Variants in NRXN3 observed in about 807,000 individuals in gnomAD.
NRXN3 encodes the protein neurexin III.
NRXN3 carries 32 observed loss-of-function variants against 137.6 expected under a neutral mutation model. The ratio of observed to expected loss-of-function variants is 0.23; its 90% CI spans 0.18 to 0.31. NRXN3 has a LOEUF of 0.31. Ranked by LOEUF, NRXN3 falls within the 10% of genes least tolerant of loss-of-function variation. The pLI is 1.00. For synonymous variants in NRXN3, 798 were observed against 784.5 expected, an observed-to-expected ratio of 1.02 and a Z score of -0.29; for missense variants, 1,574 against 2,062.5, an observed-to-expected ratio of 0.76 and a Z score of 4.59.
chr14:79,088,492 T>G (rs943903144), intron 15 of NRXN3, among the ~76,000 whole-genome samples: 4 of 151,554 alleles, frequency 2.6e-5, no homozygotes, highest in Admixed American at 2.6e-4. Context: ...TATATATCTA[T>G]GTATATGTGT....
intron 8 of NRXN3, among the ~76,000 whole-genome samples, chr14:78,732,442 T>A (rs905183785): frequency 6.6e-6 from 1 of 152,162 alleles, no homozygotes; most frequent in Admixed American, 6.6e-5. Context: ...AGAAGACTAG[T>A]TTTTTATCCT....
chr14:78,309,835 G>T (rs2077763369), intron 4 of NRXN3, among the ~76,000 whole-genome samples: 1 of 152,088 alleles, frequency 6.6e-6, no homozygotes, highest in African/African-American at 2.4e-5. Context: ...AAGGCTTAAT[G>T]ACTCTAAAAT....
intron 15 of NRXN3, among the ~76,000 whole-genome samples, chr14:79,089,731 C>T (rs1313373980): frequency 6.6e-6 from 1 of 151,968 alleles, no homozygotes; most frequent in Non-Finnish European, 1.5e-5. Context: ...TTTTCATTCA[C>T]ACCCTCAAAC....
chr14:78,709,258 C>T lies in NRXN3; in HGVS notation c.1263C>T (p.Arg421=). Residue 421 remains arginine (R), a synonymous_variant, in exon 7 of 21, where the codon CGC becomes CGT. Transcript: ENST00000335750. The part of the protein sequence containing the change: ...KNNDIRLELS[R]LARIADTKMK... ...ATGACATCCGTCTGGAGCTGTCTCG[C>T]CTGGCCCGGATTGCGGACACCAAGA... is the stretch of plus-strand genomic sequence containing the variant. 5 of 1,614,032 alleles carry T rather than the reference C, an allele frequency of 3.1e-6. No individual in the cohort carries two copies. The highest frequency in any genetic ancestry group is 3.4e-6 in the Non-Finnish European group (4 of 1,179,976).
At chr14:79,295,257 C>T (rs1042297823) in intron 15 of NRXN3, among the ~76,000 whole-genome samples, 1 of 151,990 alleles carries the variant, frequency 6.6e-6, no homozygotes, top group Non-Finnish European at 1.5e-5. Context: ...GGGATGTTTT[C>T]ATCCAGATTG....
At chr14:78,756,210 G>A (rs748391626) in intron 8 of NRXN3, among the ~76,000 whole-genome samples, 6 of 152,102 alleles carry the variant, frequency 3.9e-5, no homozygotes, top group South Asian at 2.1e-4. Flanking sequence ...TTCACTAGCC[G>A]GGTGCGGTGG....
chr14:79,775,888 C>CCTT, intron 19 of NRXN3, among the ~76,000 whole-genome samples: 1 of 152,164 alleles, frequency 6.6e-6, no homozygotes, highest in Non-Finnish European at 1.5e-5. Flanking sequence ...TGGTAAGGAT[C>CCTT]AAACAATACC....
At chr14:79,352,813 A>G (rs184747583) in intron 15 of NRXN3, among the ~76,000 whole-genome samples, 1 of 152,124 alleles carries the variant, frequency 6.6e-6, no homozygotes, top group Admixed American at 6.5e-5. Context: ...GTAACTAAGG[A>G]TGAGAGTGCA....
intron 15 of NRXN3, among the ~76,000 whole-genome samples, chr14:79,033,028 C>T (rs570852256): frequency 6.6e-6 from 1 of 152,202 alleles, no homozygotes; most frequent in Admixed American, 6.5e-5. Context: ...CTCATCCCTT[C>T]GCACTGCCCT....
chr14:79,177,253 G>A lies in NRXN3; in HGVS notation c.3262+189112G>A, dbSNP rs772430563. Among the ~76,000 whole-genome samples the A allele has an allele frequency of 8.5e-5, 13 of 152,126 alleles. No homozygotes were observed. The East Asian group carries it at 9.6e-4, about 11-fold the overall frequency. ...GTTTAAAACCTAAAGTCTGGTTGGC[G>A]TTATAAATATGCATGAGCTGTTGGG... is the stretch of plus-strand genomic sequence containing the variant. On this transcript the variant is annotated intron_variant, in intron 15 of 20. Coordinates refer to ENST00000335750, the MANE Select transcript of NRXN3 (RefSeq NM_001330195.2).
At chr14:78,568,136 T>C (rs1158030890) in intron 4 of NRXN3, among the ~76,000 whole-genome samples, 3 of 152,232 alleles carry the variant, frequency 2.0e-5, no homozygotes, top group Non-Finnish European at 2.9e-5. Flanking sequence ...GCTCATGTTC[T>C]GATCTTCAGT....
rs149045091 is a variant in NRXN3 at position 78,365,027 on chromosome 14, A to G, written c.757+67167A>G. Among the ~76,000 whole-genome samples, 364 of 152,264 alleles carry G rather than the reference A, an allele frequency of 2.4e-3. 4 individuals carry two copies. The highest frequency in any genetic ancestry group is 0.016 in the East Asian group (81 of 5,188). On this transcript the variant is annotated intron_variant, in intron 4 of 20. Transcript: ENST00000335750. ...CTGTACCTGGAAATGTTGCCTAGTA[A>G]TGCAATGGAACCAACAGGATTAGCA...
intron 16 of NRXN3, among the ~76,000 whole-genome samples, chr14:79,655,084 C>T (rs1164980657): frequency 6.6e-6 from 1 of 152,108 alleles, no homozygotes; most frequent in Non-Finnish European, 1.5e-5. Context: ...CAGAGCTGAT[C>T]ATGCATATTC....
chr14:79,303,539 T>C lies in NRXN3; in HGVS notation c.3263-163682T>C, dbSNP rs571113037. Among the ~76,000 whole-genome samples the C allele has an allele frequency of 3.3e-5, 5 of 152,182 alleles. No homozygotes were observed. The East Asian group carries it at 9.7e-4, about 29-fold the overall frequency. ...ACAACACTGCACATCCCTTGTGAAATAATTTACTATTTTTTAGACATCATG... is the reference window on the plus strand; with the variant it reads ...ACAACACTGCACATCCCTTGTGAAACAATTTACTATTTTTTAGACATCATG... On this transcript the variant is annotated intron_variant, in intron 15 of 20. Transcript: ENST00000335750.
intron 5 of NRXN3, among the ~76,000 whole-genome samples, chr14:78,647,491 G>A (rs1372812129): frequency 5.3e-5 from 8 of 152,222 alleles, no homozygotes; most frequent in Non-Finnish European, 1.0e-4. Flanking sequence ...GTGCTGTGAC[G>A]TGCACATGAT....
chr14:79,241,879 C>A (rs1435920322), intron 15 of NRXN3, among the ~76,000 whole-genome samples: 1 of 152,056 alleles, frequency 6.6e-6, no homozygotes, highest in Non-Finnish European at 1.5e-5. Context: ...CCAGCCTGGG[C>A]AACATGGTGA....
intron 19 of NRXN3, among the ~76,000 whole-genome samples, chr14:79,791,863 G>A (rs1240967075): frequency 6.6e-6 from 1 of 152,174 alleles, no homozygotes; most frequent in East Asian, 1.9e-4. Flanking sequence ...GGCTTGGTTA[G>A]GCCGGTCACA....
At chr14:78,397,998 T>C (rs1386127217) in intron 4 of NRXN3, among the ~76,000 whole-genome samples, 1 of 150,638 alleles carries the variant, frequency 6.6e-6, no homozygotes, top group Non-Finnish European at 1.5e-5. Flanking sequence ...GCAGATCACC[T>C]GAGGTCAGGA....
At chr14:79,371,078 ATGT>A (rs1394780663) in intron 15 of NRXN3, among the ~76,000 whole-genome samples, 2 of 152,130 alleles carry the variant, frequency 1.3e-5, no homozygotes, top group African/African-American at 4.8e-5. Flanking sequence ...TGCTCAATAA[ATGT>A]TGTTCTAACT....
Sources: gnomAD v4.1 joint callset for allele counts (sites outside exome capture counted in the v4.1 genomes callset) on GRCh38, gnomAD v4.1.1 for gene constraint, MANE v1.5 for transcripts, NCBI Gene and HGNC (gene_info 2026-07-23, HGNC 2026-07-21) for gene names.